The following KIAA0930 variants were observed in gnomAD, a reference collection of about 807,000 sequenced individuals.
KIAA0930 encodes KIAA0930, also known as uncharacterized protein KIAA0930.
KIAA0930 carries 24 observed loss-of-function variants against 43.9 expected under a neutral mutation model. That is an observed-to-expected ratio of 0.55 (90% CI 0.40 to 0.77). KIAA0930 has a LOEUF of 0.77. Ranked by LOEUF, KIAA0930 falls within the 30% of genes least tolerant of loss-of-function variation. The probability of loss-of-function intolerance (pLI) is 0.00; values close to 1 mark genes in which losing one functional copy is unlikely to be tolerated. For missense variants in KIAA0930, 461 were observed against 574.2 expected, an observed-to-expected ratio of 0.80 and a Z score of 2.02; for synonymous variants, 259 against 216.4, an observed-to-expected ratio of 1.20 and a Z score of -1.73.
intron 1 of KIAA0930, among the ~76,000 whole-genome samples, chr22:45,234,764 C>A (rs1315151261): frequency 6.6e-6 from 1 of 152,230 alleles, no homozygotes; most frequent in Admixed American, 6.5e-5. Context: ...GCATTGCCCA[C>A]CCAACTCTCG....
At chr22:45,221,835 A>C (rs939271741) in intron 1 of KIAA0930, among the ~76,000 whole-genome samples, 5 of 152,172 alleles carry the variant, frequency 3.3e-5, no homozygotes, top group Admixed American at 3.3e-4. Flanking sequence ...CCCAGGTTCA[A>C]GCGATTCTCC....
chr22:45,203,198 C>T lies in KIAA0930; in HGVS notation c.658-14G>A, dbSNP rs774528653. ...GGCCACGCTCACCTGGGGGCCGGCG[C>T]GGGGCAGCCTGAGTCAGGGAGGTGG... On this transcript the variant is annotated splice_polypyrimidine_tract_variant and intron_variant, in intron 6 of 9. Transcript: ENST00000336156. The T allele has an allele frequency of 1.3e-5, 21 of 1,579,034 alleles. No individual in the cohort carries two copies. The East Asian group carries it at 1.4e-4, about 10-fold the overall frequency.
chr22:45,214,072 G>T (rs1287927985), intron 1 of KIAA0930, among the ~76,000 whole-genome samples: 1 of 152,038 alleles, frequency 6.6e-6, no homozygotes, highest in Non-Finnish European at 1.5e-5. Context: ...AGCTACTCTA[G>T]AGGCTAAGGC....
chr22:45,219,969 C>G (rs1440461975), intron 1 of KIAA0930, among the ~76,000 whole-genome samples: 1 of 152,120 alleles, frequency 6.6e-6, no homozygotes, highest in African/African-American at 2.4e-5. Flanking sequence ...CACACAACTT[C>G]AGAGCCTAAG....
At chr22:45,235,380 G>A (rs1265376233) in intron 1 of KIAA0930, 1 of 152,202 alleles carries the variant, frequency 6.6e-6, no homozygotes, top group Non-Finnish European at 1.5e-5. Flanking sequence ...CTCAGGAGAG[G>A]GCCTCCTGGG....
intron 1 of KIAA0930, among the ~76,000 whole-genome samples, chr22:45,216,325 TC>T (rs2083732358): frequency 6.6e-6 from 1 of 152,094 alleles, no homozygotes; most frequent in Non-Finnish European, 1.5e-5. Context: ...CCTGCCACCC[TC>T]CCAGAATCCA....
chr22:45,206,056 C>T (rs1047482267), intron 2 of KIAA0930, 144 bp from the exon 3 acceptor site: 3 of 1,408,962 alleles, frequency 2.1e-6, no homozygotes, highest in Non-Finnish European at 2.9e-6. Context: ...CACACCGCTG[C>T]CCAGGCTAGA....
At chr22:45,219,554 C>A (rs1176364163) in intron 1 of KIAA0930, among the ~76,000 whole-genome samples, 2 of 139,522 alleles carry the variant, frequency 1.4e-5, no homozygotes, top group Non-Finnish European at 3.0e-5. Context: ...CAAAAAAGTA[C>A]ATTAACACAG....
chr22:45,240,893 C>CCGCGCCGCCGCCGCCCG lies in KIAA0930; in HGVS notation c.-191_-190insCGGGCGGCGGCGGCGCG, dbSNP rs2083913524. 5.5e-5 allele frequency: 3 copies of CCGCGCCGCCGCCGCCCG among 54,260 alleles called. No individual in the cohort carries two copies. Among genetic ancestry groups the CCGCGCCGCCGCCGCCCG allele is most frequent in the Non-Finnish European group, 1.3e-4 (3 of 23,586 alleles). 3.4% of individuals were successfully genotyped at this position (54,260 alleles called of 1,614,324 possible). A position where few individuals can be genotyped will look rare whatever the true frequency, so the allele number is the denominator to read the frequency against. ...AAACACAGCACCGGCGAGCGCACCT[C>CCGCGCCGCCGCCGCCCG]CGCGCCGCCGCCGCCCGCGCGCCCC... On this transcript the variant is annotated 5_prime_UTR_variant, in exon 1 of 10. Coordinates refer to ENST00000336156, the MANE Select transcript of KIAA0930 (RefSeq NM_001009880.2).
intron 1 of KIAA0930, chr22:45,226,187 C>A: frequency 2.2e-6 from 1 of 457,938 alleles, no homozygotes; most frequent in Non-Finnish European, 4.6e-6. Flanking sequence ...TATTCATGGG[C>A]CTGTCTTAGA....
intron 1 of KIAA0930, among the ~76,000 whole-genome samples, chr22:45,227,100 G>A (rs2083806550): frequency 6.6e-6 from 1 of 152,304 alleles, no homozygotes; most frequent in East Asian, 1.9e-4. Context: ...GGACCCATCC[G>A]CCAATGCCAC....
intron 1 of KIAA0930, among the ~76,000 whole-genome samples, chr22:45,219,363 G>A (rs1179066063): frequency 6.6e-6 from 1 of 152,072 alleles, no homozygotes; most frequent in East Asian, 1.9e-4. Context: ...CAGACCCTGG[G>A]AATAATCGCG....
At chr22:45,235,881 G>A (rs2083885469) in intron 1 of KIAA0930, among the ~76,000 whole-genome samples, 1 of 152,138 alleles carries the variant, frequency 6.6e-6, no homozygotes, top group Non-Finnish European at 1.5e-5. Context: ...CCCACTAAAG[G>A]CCCCCCGGCC....
chr22:45,198,092 C>G (rs1209006672), intron 8 of KIAA0930, 144 bp from the exon 9 acceptor site: 8 of 713,632 alleles, frequency 1.1e-5, no homozygotes, highest in Non-Finnish European at 1.6e-5. Context: ...AGCACCCACA[C>G]GCTCCAGAGC....
intron 1 of KIAA0930, 96 bp from the exon 2 acceptor site, chr22:45,212,203 G>A (rs1177534170): frequency 6.2e-7 from 1 of 1,613,026 alleles, no homozygotes. Flanking sequence ...CCACATTTCT[G>A]GCCAGAAATT....
Position 45,220,650 on chromosome 22 carries a change from C to T in KIAA0930, c.65-8543G>A, listed in dbSNP as rs372834385. Among the ~76,000 whole-genome samples, 90 of 152,168 alleles carry T rather than the reference C, an allele frequency of 5.9e-4. 1 individual carries two copies. Among genetic ancestry groups the T allele is most frequent in the African/African-American group, 2.1e-3 (88 of 41,508 alleles). ...AGGCTGGAGCACAGTGCTATGATCA[C>T]GACACACTGCAGCCTCGACCTCCAG... On this transcript the variant is annotated intron_variant, in intron 1 of 9. Coordinates refer to ENST00000336156, the MANE Select transcript of KIAA0930 (RefSeq NM_001009880.2).
intron 8 of KIAA0930, 139 bp from the exon 9 acceptor site, chr22:45,198,087 C>G: frequency 1.3e-6 from 1 of 756,494 alleles, no homozygotes; most frequent in Non-Finnish European, 2.2e-6. Flanking sequence ...ACACCAGCAC[C>G]CACACGCTCC....
rs1601802790 is a variant in KIAA0930 at position 45,193,473 on chromosome 22, A to G, written c.*3703T>C. On this transcript the variant is annotated 3_prime_UTR_variant, in exon 10 of 10. Coordinates refer to ENST00000336156, the MANE Select transcript of KIAA0930 (RefSeq NM_001009880.2). Reference sequence around the variant, plus strand: ...GTTCTTCAAAAGTCTTCTACTAACTAGTCTATTTATGATTAAAACAGCAAA... The same window carrying G: ...GTTCTTCAAAAGTCTTCTACTAACTGGTCTATTTATGATTAAAACAGCAAA... 2 of 152,308 alleles carry G rather than the reference A, an allele frequency of 1.3e-5. No individual in the cohort carries two copies. Among genetic ancestry groups the G allele is most frequent in the South Asian group, 4.1e-4 (2 of 4,820 alleles). The allele number at this position is 152,308 out of a possible 1,614,324, so 9.4% of individuals were successfully genotyped here. A position where few individuals can be genotyped will look rare whatever the true frequency, so the allele number is the denominator to read the frequency against.
chr22:45,214,967 C>G (rs982743308), intron 1 of KIAA0930, among the ~76,000 whole-genome samples: 2 of 151,360 alleles, frequency 1.3e-5, no homozygotes, highest in Non-Finnish European at 2.9e-5. Flanking sequence ...CCTGTAATTC[C>G]AGCACTTTAG....
Sources: gnomAD v4.1 joint callset for allele counts (sites outside exome capture counted in the v4.1 genomes callset) on GRCh38, gnomAD v4.1.1 for gene constraint, MANE v1.5 for transcripts, NCBI Gene and HGNC (gene_info 2026-07-23, HGNC 2026-07-21) for gene names.